Variants in RIN2 observed in about 807,000 individuals in gnomAD.
The protein encoded by RIN2 is Ras and Rab interactor 2.
In RIN2, 36 loss-of-function variants were observed where a neutral mutation model predicts 78.0. The observed-to-expected ratio is 0.46, with a 90% CI of 0.35 to 0.61. The LOEUF is 0.61. Ranked by LOEUF, RIN2 falls within the 20% of genes least tolerant of loss-of-function variation. RIN2 has a pLI of 0.00. For missense variants in RIN2, 1,087 were observed against 1,159.7 expected (o/e 0.94, Z 0.91); for synonymous variants, 466 against 466.8 (o/e 1.00, Z 0.02).
At chr20:19,783,191 T>G (rs528729270) in intron 1 of RIN2, among the ~76,000 whole-genome samples, 3 of 152,352 alleles carry the variant, frequency 2.0e-5, no homozygotes, top group African/African-American at 4.8e-5. Context: ...GAGTTGTAAC[T>G]GGAAAAACTT....
chr20:19,807,814 C>T (rs2035453752), intron 2 of RIN2, among the ~76,000 whole-genome samples: 1 of 152,180 alleles, frequency 6.6e-6, no homozygotes, highest in Non-Finnish European at 1.5e-5. Context: ...CCTTGGCTCT[C>T]TCATCTGGCA....
intron 1 of RIN2, among the ~76,000 whole-genome samples, chr20:19,760,828 AC>A (rs2033610964): frequency 6.6e-6 from 1 of 152,034 alleles, no homozygotes; most frequent in African/African-American, 2.4e-5. Flanking sequence ...GATTTCCCCG[AC>A]CCTGTCCTCC....
At chr20:19,771,620 C>G (rs144474350) in intron 1 of RIN2, among the ~76,000 whole-genome samples, 1 of 152,192 alleles carries the variant, frequency 6.6e-6, no homozygotes, top group Non-Finnish European at 1.5e-5. Context: ...CACACCTCTT[C>G]GGATCCATCT....
chr20:19,944,535 C>T (rs1436287939), intron 4 of RIN2, among the ~76,000 whole-genome samples: 1 of 152,200 alleles, frequency 6.6e-6, no homozygotes, highest in African/African-American at 2.4e-5. Context: ...GGCCCTCCGG[C>T]AATGCCACAT....
At chr20:19,904,881 C>T (rs1241957171) in intron 3 of RIN2, among the ~76,000 whole-genome samples, 3 of 152,204 alleles carry the variant, frequency 2.0e-5, no homozygotes, top group Non-Finnish European at 4.4e-5. Context: ...GCCAGCCTCC[C>T]CATCAGCACA....
intron 2 of RIN2, among the ~76,000 whole-genome samples, chr20:19,862,926 A>G (rs1295055074): frequency 1.3e-5 from 2 of 152,200 alleles, no homozygotes; most frequent in Non-Finnish European, 2.9e-5. Context: ...ATGTAGCAAC[A>G]TCTGCCCTCC....
At chr20:19,770,330 G>A (rs1249118998) in intron 1 of RIN2, among the ~76,000 whole-genome samples, 1 of 152,200 alleles carries the variant, frequency 6.6e-6, no homozygotes, top group African/African-American at 2.4e-5. Flanking sequence ...TGCCTTTGAG[G>A]AAAACAATGT....
At chr20:19,759,842 G>A (rs1381766380) in intron 1 of RIN2, among the ~76,000 whole-genome samples, 1 of 152,038 alleles carries the variant, frequency 6.6e-6, no homozygotes, top group Non-Finnish European at 1.5e-5. Context: ...CAGCCTGGGT[G>A]ACAGAGTGAA....
At chr20:19,987,848 T>C (rs2175141) in intron 9 of RIN2, among the ~76,000 whole-genome samples, 9,764 of 152,224 alleles carry the variant, frequency 0.064, 1,022 homozygotes, top group African/African-American at 0.22. Context: ...TCTATAGTTA[T>C]ATAAACCTTT....
intron 1 of RIN2, among the ~76,000 whole-genome samples, chr20:19,784,961 AATAAAATAAAGGGTCCTT>A (rs879684841): frequency 1.4e-4 from 22 of 152,308 alleles, no homozygotes; most frequent in Middle Eastern, 3.4e-3. Flanking sequence ...AGGCAAAAAG[AATAAAATAAAGGGTCCTT>A]CAGAGATCAA....
intron 3 of RIN2, among the ~76,000 whole-genome samples, chr20:19,927,337 T>A (rs1165277332): frequency 6.6e-6 from 1 of 152,182 alleles, no homozygotes; most frequent in Non-Finnish European, 1.5e-5. Flanking sequence ...AGCCTTGAAC[T>A]CCTGGGCTCA....
At chr20:19,787,422 TAAA>T (rs541323014) in intron 1 of RIN2, among the ~76,000 whole-genome samples, 18 of 85,888 alleles carry the variant, frequency 2.1e-4, no homozygotes, top group African/African-American at 5.6e-4. Context: ...GACTCCATCT[TAAA>T]AAAAAAAAAA....
At chr20:19,995,556 C>T (rs1228825856) in intron 11 of RIN2, among the ~76,000 whole-genome samples, 2 of 152,182 alleles carry the variant, frequency 1.3e-5, no homozygotes, top group Non-Finnish European at 2.9e-5. Flanking sequence ...ACACATCTTA[C>T]AGTGTCGTCA....
At chr20:19,981,773 A>G (rs1239066775) in intron 9 of RIN2, among the ~76,000 whole-genome samples, 2 of 152,218 alleles carry the variant, frequency 1.3e-5, no homozygotes, top group Admixed American at 6.5e-5. Context: ...CCTTAAAATC[A>G]TACCGTGTCC....
chr20:19,834,897 G>A (rs2036361521), intron 2 of RIN2, among the ~76,000 whole-genome samples: 1 of 150,980 alleles, frequency 6.6e-6, no homozygotes, highest in Admixed American at 6.6e-5. Flanking sequence ...TAAGCCAAGA[G>A]CAAGCCACTG....
chr20:19,932,075 T>C (rs2040463690), intron 3 of RIN2, among the ~76,000 whole-genome samples: 1 of 152,206 alleles, frequency 6.6e-6, no homozygotes, highest in Non-Finnish European at 1.5e-5. Context: ...AAAACTCATG[T>C]TGAAATTTAA....
At chr20:19,892,643 C>T (rs1337025378) in intron 3 of RIN2, among the ~76,000 whole-genome samples, 1 of 152,216 alleles carries the variant, frequency 6.6e-6, no homozygotes, top group African/African-American at 2.4e-5. Context: ...TCCCAAACTG[C>T]TGGGATTACA....
intron 3 of RIN2, among the ~76,000 whole-genome samples, chr20:19,900,914 C>T (rs2038949564): frequency 2.2e-5 from 3 of 135,984 alleles, no homozygotes; most frequent in African/African-American, 8.8e-5. Flanking sequence ...CACACCATTG[C>T]ACTCTGGCCT....
intron 2 of RIN2, among the ~76,000 whole-genome samples, chr20:19,811,738 C>T (rs1311517604): frequency 1.3e-5 from 2 of 151,662 alleles, no homozygotes; most frequent in Non-Finnish European, 2.9e-5. Context: ...CCATTATAAC[C>T]ACTAAAAAAT....
Sources: gnomAD v4.1 joint callset for allele counts (sites outside exome capture counted in the v4.1 genomes callset) on GRCh38, gnomAD v4.1.1 for gene constraint, MANE v1.5 for transcripts, NCBI Gene and HGNC (gene_info 2026-07-23, HGNC 2026-07-21) for gene names.